Variants in USP33 observed in about 807,000 individuals in gnomAD.
The protein encoded by USP33 is ubiquitin carboxyl-terminal hydrolase 33.
Under a neutral mutation model 124.2 loss-of-function variants are expected in USP33, and 46 were observed. The ratio of observed to expected loss-of-function variants is 0.37; its 90% CI spans 0.29 to 0.47. The LOEUF is 0.47. USP33 is among the 20% of genes least tolerant of loss of function. USP33 has a pLI of 0.99. For synonymous variants in USP33, 350 were observed against 352.3 expected (o/e 0.99, Z 0.07); for missense variants, 851 against 1,070.6 (o/e 0.79, Z 2.86).
chr1:77,738,383 T>G (rs1458243256), intron 5 of USP33, among the ~76,000 whole-genome samples: 4 of 152,242 alleles, frequency 2.6e-5, no homozygotes, highest in Admixed American at 6.5e-5. Context: ...CTTTTTCCTA[T>G]TTTTCTATGA....
chr1:77,728,301 C>A lies in USP33; in HGVS notation c.1129G>T (p.Ala377Ser). The A allele has an allele frequency of 6.3e-7, 1 of 1,578,906 alleles. No homozygotes were observed. The highest frequency in any genetic ancestry group is 8.6e-7 in the Non-Finnish European group (1 of 1,165,816). ...CAAACTACTAAATTGTCACCTGAAG[C>A]TCTGCTGTGTATTTGCACTTTGACA... ...ETVKVQIHSR[A>S]SEYITDVHSN... Residue 377 changes from alanine to serine, a missense_variant, in exon 10 of 24, where the codon GCT becomes TCT. Physicochemically the swap from Ala to Ser is moderately conservative, Grantham distance 99. Around this residue, in one of 4 missense-constraint regions of USP33, gnomAD observed 207 missense variants for 200.9 expected, o/e 1.03. Coordinates refer to ENST00000370794, the MANE Select transcript of USP33 (RefSeq NM_201624.3).
Position 77,728,450 on chromosome 1 carries a change from T to A in USP33, c.980A>T (p.Glu327Val), listed in dbSNP as rs1677412506. The change falls in exon 10 of 24, where the codon GAA becomes GTA. Residue 327 changes from glutamate (E) to valine (V), a missense_variant. Around this residue, in one of 4 missense-constraint regions of USP33, gnomAD observed 207 missense variants for 200.9 expected, o/e 1.03. Coordinates refer to ENST00000370794, the MANE Select transcript of USP33 (RefSeq NM_201624.3). ...MLIQDDENNSEMSKDWQKEKM... is the reference protein window; with the variant it reads ...MLIQDDENNSVMSKDWQKEKM... ...CTCTTTTTGCCAATCCTTTGACATT[T>A]CTGAATTGTTTTCATCATCCTGAAT... 6.2e-7 allele frequency: 1 copy of A among 1,613,962 alleles called. No homozygotes were observed. Among genetic ancestry groups the A allele is most frequent in the African/African-American group, 1.3e-5 (1 of 74,938 alleles).
At chr1:77,697,521 T>C in intron 23 of USP33, 47 bp from the exon 24 acceptor site, 1 of 1,544,424 alleles carries the variant, frequency 6.5e-7, no homozygotes, top group Non-Finnish European at 8.7e-7. Context: ...TATATATTCA[T>C]ATTGCAAAAG....
At chr1:77,741,571 G>A in intron 2 of USP33, 46 bp downstream of exon 2, 1 of 1,555,780 alleles carries the variant, frequency 6.4e-7, no homozygotes, top group Non-Finnish European at 8.7e-7. Context: ...ACACATTCAA[G>A]AGAAAAGTGA....
intron 15 of USP33, 72 bp downstream of exon 15, chr1:77,721,100 T>G: frequency 6.4e-7 from 1 of 1,552,794 alleles, no homozygotes; most frequent in Non-Finnish European, 8.9e-7. Flanking sequence ...CAAATTTAAC[T>G]CCACATACCC....
At chr1:77,709,037 G>C (rs1674945092) in intron 21 of USP33, among the ~76,000 whole-genome samples, 1 of 152,088 alleles carries the variant, frequency 6.6e-6, no homozygotes, top group Non-Finnish European at 1.5e-5. Context: ...GATGGTGTCA[G>C]GATTCTCTGC....
At chr1:77,698,304 A>AC (rs1038973847) in intron 22 of USP33, among the ~76,000 whole-genome samples, 1 of 147,182 alleles carries the variant, frequency 6.8e-6, no homozygotes, top group Admixed American at 6.9e-5. Flanking sequence ...CGAACTCCTG[A>AC]CCTCACGATC....
chr1:77,752,117 T>C (rs1254005417), intron 1 of USP33, among the ~76,000 whole-genome samples: 1 of 151,552 alleles, frequency 6.6e-6, no homozygotes, highest in African/African-American at 2.4e-5. Flanking sequence ...AGGAAAAGTA[T>C]AGGGAACCAT....
At chr1:77,703,985 C>T (rs1209211762) in intron 21 of USP33, among the ~76,000 whole-genome samples, 2 of 151,896 alleles carry the variant, frequency 1.3e-5, no homozygotes, top group Admixed American at 6.6e-5. Context: ...TGGTGGCACA[C>T]GCCTATAGTC....
chr1:77,698,597 T>C (rs1673668094), intron 22 of USP33, among the ~76,000 whole-genome samples: 1 of 148,550 alleles, frequency 6.7e-6, no homozygotes, highest in African/African-American at 2.5e-5. Context: ...GCCTCCCAGG[T>C]TCATGCCATT....
intron 12 of USP33, 157 bp from the exon 13 acceptor site, chr1:77,722,353 A>G (rs1382188565): frequency 3.0e-6 from 2 of 676,582 alleles, no homozygotes; most frequent in Non-Finnish European, 4.7e-6. Context: ...TCATAGTCAT[A>G]ATAGCAAAAA....
intron 11 of USP33, 123 bp downstream of exon 11, chr1:77,725,499 T>G: frequency 6.7e-6 from 9 of 1,344,648 alleles, no homozygotes; most frequent in Non-Finnish European, 9.0e-6. Context: ...TGTAAAATTA[T>G]GCTATCAATT....
At chr1:77,724,290 C>T (rs1482242196) in intron 11 of USP33, among the ~76,000 whole-genome samples, 2 of 151,960 alleles carry the variant, frequency 1.3e-5, no homozygotes, top group Non-Finnish European at 2.9e-5. Flanking sequence ...TTTAAGAGTT[C>T]TTTATATATT....
intron 21 of USP33, among the ~76,000 whole-genome samples, chr1:77,704,673 TTATC>T (rs1181557678): frequency 1.3e-5 from 2 of 152,158 alleles, no homozygotes; most frequent in African/African-American, 4.8e-5. Flanking sequence ...TTCCTTCTGT[TTATC>T]TTTTTGTGCT....
chr1:77,755,141 T>G (rs756064356), intron 1 of USP33, among the ~76,000 whole-genome samples: 6 of 152,184 alleles, frequency 3.9e-5, no homozygotes, highest in Non-Finnish European at 7.3e-5. Flanking sequence ...AGAGTTAATA[T>G]ACTGGCATTA....
chr1:77,723,980 G>A (rs1676877072), intron 11 of USP33, among the ~76,000 whole-genome samples: 1 of 151,516 alleles, frequency 6.6e-6, no homozygotes, highest in Non-Finnish European at 1.5e-5. Flanking sequence ...TTTTTTTAAA[G>A]TATAAATGAT....
chr1:77,758,175 CTTTTTTTT>C (rs1185358841), intron 1 of USP33, among the ~76,000 whole-genome samples: 3 of 94,284 alleles, frequency 3.2e-5, no homozygotes, highest in Non-Finnish European at 5.9e-5. Context: ...TTGTACTGTC[CTTTTTTTT>C]TTTTTTTTTT....
At chr1:77,738,275 A>G (rs1678710936) in intron 5 of USP33, among the ~76,000 whole-genome samples, 1 of 152,232 alleles carries the variant, frequency 6.6e-6, no homozygotes, top group Admixed American at 6.5e-5. Flanking sequence ...TGATTTCTAT[A>G]ACACACATGA....
intron 1 of USP33, among the ~76,000 whole-genome samples, chr1:77,749,962 G>T (rs1028955731): frequency 7.2e-5 from 11 of 152,108 alleles, no homozygotes; most frequent in African/African-American, 2.7e-4. Context: ...ATGAAAAAAA[G>T]AATAAAACAT....
Sources: allele counts gnomAD v4.1 joint callset (sites outside exome capture counted in the v4.1 genomes callset), GRCh38; gene constraint gnomAD v4.1.1; regional missense constraint gnomAD v4.1.1; transcripts MANE v1.5; gene names NCBI Gene and HGNC (gene_info 2026-07-23, HGNC 2026-07-21).